The following ZNF680 variants were observed in gnomAD, a reference collection of about 807,000 sequenced individuals.
The protein encoded by ZNF680 is zinc finger protein 680.
Under a neutral mutation model 12.1 loss-of-function variants are expected in ZNF680, and 6 were observed. That is an observed-to-expected ratio of 0.49 (90% confidence interval 0.27 to 0.98). The LOEUF is 0.98. ZNF680 is among the 50% of genes least tolerant of loss of function. ZNF680 has a pLI of 0.12. For missense variants in ZNF680, 561 were observed against 616.3 expected, an observed-to-expected ratio of 0.91 and a Z score of 0.95; for synonymous variants, 170 against 199.3, an observed-to-expected ratio of 0.85 and a Z score of 1.24.
At chr7:64,536,160 A>G (rs1162438050) in intron 3 of ZNF680, among the ~76,000 whole-genome samples, 1 of 152,244 alleles carries the variant, frequency 6.6e-6, no homozygotes, top group East Asian at 1.9e-4. Context: ...CAACATAATA[A>G]TTGTAGATAT....
At chr7:64,540,250 T>C (rs868294826) in intron 3 of ZNF680, among the ~76,000 whole-genome samples, 5 of 150,048 alleles carry the variant, frequency 3.3e-5, no homozygotes, top group Non-Finnish European at 3.0e-5. Context: ...TATTTGTAGA[T>C]AAAAGCACAC....
chr7:64,554,107 T>C (rs542466607), intron 1 of ZNF680, among the ~76,000 whole-genome samples: 41 of 150,852 alleles, frequency 2.7e-4, no homozygotes, highest in African/African-American at 9.3e-4. Flanking sequence ...GAGGAGCGCC[T>C]CTTCCCGGCC....
chr7:64,562,842 A>G, intron 1 of ZNF680, 83 bp downstream of exon 1: 2 of 1,530,752 alleles, frequency 1.3e-6, no homozygotes, highest in African/African-American at 1.4e-5. Context: ...CAGTGCTTGG[A>G]GCCTGGAGTC....
At chr7:64,543,624 C>A in intron 3 of ZNF680, 83 bp downstream of exon 3, 1 of 1,208,116 alleles carries the variant, frequency 8.3e-7, no homozygotes, top group South Asian at 1.4e-5. Context: ...CTTCCCAAAT[C>A]CCATGTCAAG....
the ZNF680 span, among the ~76,000 whole-genome samples, chr7:64,505,552 TTTAA>T: frequency 6.6e-6 from 1 of 152,172 alleles, no homozygotes; most frequent in Non-Finnish European, 1.5e-5. Context: ...GACATGCTGA[TTTAA>T]TTATAGTAAG....
the ZNF680 span, among the ~76,000 whole-genome samples, chr7:64,508,120 A>AATATATATAT: frequency 8.7e-5 from 6 of 69,226 alleles, no homozygotes; most frequent in African/African-American, 6.2e-4. Flanking sequence ...TATATTTTAA[A>AATATATATAT]ATGTATATAT....
At chr7:64,539,185 T>C (rs1261692392) in intron 3 of ZNF680, among the ~76,000 whole-genome samples, 1 of 143,944 alleles carries the variant, frequency 6.9e-6, no homozygotes, top group Non-Finnish European at 1.5e-5. Context: ...TGTTGATTTA[T>C]AAATACATAA....
Position 64,561,934 on chromosome 7 carries a change from C to CA in ZNF680, c.30+990dup, listed in dbSNP as rs1187872173. Among the ~76,000 whole-genome samples the CA allele has an allele frequency of 4.4e-3, 350 of 80,240 alleles. 18 individuals are homozygous for CA. Among genetic ancestry groups the CA allele is most frequent in the Middle Eastern group, 0.033 (4 of 122 alleles). 52.6% of individuals were successfully genotyped at this position (80,240 alleles called of 152,430 possible). ...TGGGCGACAGAGCAAGACTCCGTCTCAAAAAAAAAAAAAATTTACATTAGG... is the reference window on the plus strand; with the variant it reads ...TGGGCGACAGAGCAAGACTCCGTCTCAAAAAAAAAAAAAAATTTACATTAGG... On this transcript the variant is annotated intron_variant, in intron 1 of 3. Transcript: ENST00000309683.
intron 3 of ZNF680, among the ~76,000 whole-genome samples, chr7:64,542,334 A>G (rs1786548378): frequency 6.6e-6 from 1 of 152,224 alleles, no homozygotes; most frequent in Admixed American, 6.5e-5. Flanking sequence ...CCCACTGTAA[A>G]TACTTTATTT....
rs2033438652 is a variant in ZNF680, at chr7:64,520,995, G to A, written c.*166C>T. 1.5e-6 allele frequency: 1 copy of A among 676,578 alleles called. No homozygotes were observed. Among genetic ancestry groups the A allele is most frequent in the African/African-American group, 2.0e-5 (1 of 48,858 alleles). The allele number at this position is 676,578 out of a possible 1,614,324, so 41.9% of individuals were successfully genotyped here. A position where few individuals can be genotyped will look rare whatever the true frequency, so the allele number is the denominator to read the frequency against. ...AAAATGCTTTCCTGTGCAATAAGAT[G>A]TGAGTATTGGTTAAGTTTTGTCACA... is the stretch of plus-strand genomic sequence containing the variant. On this transcript the variant is annotated 3_prime_UTR_variant, in exon 4 of 4. Transcript: ENST00000309683.
chr7:64,521,636 G>A lies in ZNF680; in HGVS notation c.1118C>T (p.Thr373Ile), dbSNP rs1562733429. The change falls in exon 4 of 4, where the codon ACT becomes ATT. Residue 373 changes from threonine to isoleucine, a missense_variant. By Grantham distance (89) the Thr-to-Ile change is moderately conservative. Transcript: ENST00000309683. Reference sequence around the variant, plus strand: ...TTCACATTTGTAGGATTTCTCTCCAGTATGAATTTTCTTATGTCTAGTAAG... The same window carrying A: ...TTCACATTTGTAGGATTTCTCTCCAATATGAATTTTCTTATGTCTAGTAAG... ...ANLTRHKKIH[T>I]GEKSYKCEEC... 3 of 1,612,278 alleles carry A rather than the reference G, an allele frequency of 1.9e-6. No individual in the cohort carries two copies. The highest frequency in any genetic ancestry group is 2.5e-6 in the Non-Finnish European group (3 of 1,179,708).
At chr7:64,523,735 A>G (rs1791672916) in intron 3 of ZNF680, among the ~76,000 whole-genome samples, 1 of 151,882 alleles carries the variant, frequency 6.6e-6, no homozygotes, top group African/African-American at 2.4e-5. Context: ...AACATGGTGA[A>G]ACCCTGTCTC....
chr7:64,562,748 G>C (rs1028171085), intron 1 of ZNF680, among the ~76,000 whole-genome samples, 177 bp downstream of exon 1: 8 of 152,222 alleles, frequency 5.3e-5, no homozygotes, highest in African/African-American at 1.7e-4. Flanking sequence ...GGGTCCGGCT[G>C]TCAGCCCAGC....
intron 1 of ZNF680, among the ~76,000 whole-genome samples, chr7:64,545,263 C>CAAAAAAAAAAAAAAAAAAAAAAAAAAAA: frequency 1.1e-5 from 1 of 89,718 alleles, no homozygotes; most frequent in Non-Finnish European, 2.3e-5. Flanking sequence ...GACTCCATCT[C>CAAAAAAAAAAAAAAAAAAAAAAAAAAAA]AAAAAAAAAA....
intron 3 of ZNF680, among the ~76,000 whole-genome samples, chr7:64,536,991 G>A (rs1786202135): frequency 6.6e-6 from 1 of 152,128 alleles, no homozygotes; most frequent in Non-Finnish European, 1.5e-5. Flanking sequence ...GATCACTTGA[G>A]CCCAGGAGGC....
At chr7:64,536,094 A>C (rs1188353270) in intron 3 of ZNF680, among the ~76,000 whole-genome samples, 1 of 152,206 alleles carries the variant, frequency 6.6e-6, no homozygotes, top group Non-Finnish European at 1.5e-5. Flanking sequence ...TAATAACATC[A>C]GGTCTCCAAA....
chr7:64,552,413 T>C (rs537111852), intron 1 of ZNF680, among the ~76,000 whole-genome samples: 84 of 152,316 alleles, frequency 5.5e-4, no homozygotes, highest in African/African-American at 1.6e-3. Flanking sequence ...TGGAACATAT[T>C]TGAGCTTGCA....
the ZNF680 span, among the ~76,000 whole-genome samples, chr7:64,505,620 A>G: frequency 6.6e-6 from 1 of 152,134 alleles, no homozygotes; most frequent in Admixed American, 6.5e-5. Context: ...ATCATTCACT[A>G]CGGCTTTCTA....
At chr7:64,504,641 T>C in the ZNF680 span, among the ~76,000 whole-genome samples, 1 of 152,212 alleles carries the variant, frequency 6.6e-6, no homozygotes, top group African/African-American at 2.4e-5. Flanking sequence ...TACAGCATTC[T>C]CAGTGCCCAG....
Sources: allele counts gnomAD v4.1 joint callset (sites outside exome capture counted in the v4.1 genomes callset), GRCh38; gene constraint gnomAD v4.1.1; transcripts MANE v1.5; gene names NCBI Gene and HGNC (gene_info 2026-07-23, HGNC 2026-07-21).